Variants in ATP6V0B observed in about 807,000 individuals in gnomAD.
The protein encoded by ATP6V0B is ATPase H+ transporting V0 subunit b, also known as V-type proton ATPase 21 kDa proteolipid subunit c''.
Under a neutral mutation model 26.2 loss-of-function variants are expected in ATP6V0B, and 4 were observed. The observed-to-expected ratio is 0.15, with a 90% CI of 0.08 to 0.35. ATP6V0B has a LOEUF of 0.35. Among genes scored for constraint, ATP6V0B ranks in the 10% least tolerant of loss-of-function variants. The pLI is 1.00. For synonymous variants in ATP6V0B, 110 were observed against 105.8 expected, an observed-to-expected ratio of 1.04 and a Z score of -0.24; for missense variants, 175 against 272.5, an observed-to-expected ratio of 0.64 and a Z score of 2.52.
In ATP6V0B at chr1:43,976,510, A is replaced by G; in HGVS notation, c.279-80A>G. The G allele has an allele frequency of 1.3e-6, 2 of 1,569,060 alleles. No homozygotes were observed. The highest frequency in any genetic ancestry group is 2.2e-5 in the South Asian group (2 of 89,676). On this transcript the variant is annotated intron_variant, in intron 4 of 7. Coordinates refer to ENST00000472174, the MANE Select transcript of ATP6V0B (RefSeq NM_004047.5). This position sits in a 1 kb window ranked among gnomAD's most constrained non-coding sequence, Gnocchi z 4.6. ...TGTTATAGGGGAAAGATTGCTGGGG[A>G]CTTACTGGGCAGGAAGGACGGTTTC...
In ATP6V0B at chr1:43,975,798, A is replaced by C; in HGVS notation, c.68-2A>C. The C allele has an allele frequency of 6.3e-7, 1 of 1,597,664 alleles. No individual in the cohort carries two copies. The highest frequency in any genetic ancestry group is 1.1e-5 in the South Asian group (1 of 89,374). On this transcript the variant is annotated splice_acceptor_variant, in intron 1 of 7. Transcript: ENST00000472174. LOFTEE classifies it high-confidence loss of function. The stretch of plus-strand genomic sequence containing the variant: ...CCCCCTTTTTCTCCCTCACTGCTGC[A>C]GGAGTCTGCTACACCATTTTTGATT...
rs1206389081 is a variant in ATP6V0B at position 43,976,933 on chromosome 1, T to C, written c.401-93T>C. Reference sequence around the variant, plus strand: ...TTGATATTCTCTCACCTACTTTTTCTGCTTTGCAGAGTGGGGATGGTGATT... The same window carrying C: ...TTGATATTCTCTCACCTACTTTTTCCGCTTTGCAGAGTGGGGATGGTGATT... On this transcript the variant is annotated intron_variant, in intron 6 of 7. Transcript: ENST00000472174. The surrounding 1 kb of genome is among the most constrained non-coding windows in gnomAD (Gnocchi z 4.6). The C allele has an allele frequency of 1.2e-6, 2 of 1,602,594 alleles. No individual in the cohort carries two copies. Among genetic ancestry groups the C allele is most frequent in the East Asian group, 2.2e-5 (1 of 44,788 alleles).
rs2085518775 is a variant in ATP6V0B, at chr1:43,976,266, TGG to T, written c.201-34_201-33del. The T allele has an allele frequency of 6.2e-7, 1 of 1,611,230 alleles. No individual in the cohort carries two copies. The highest frequency in any genetic ancestry group is 1.1e-5 in the South Asian group (1 of 90,990). ...AGGCATGCTGAGGGCAGTGACAGCT[TGG>T]GCTCTGCTCATCAGTTTTTTATCCT... On this transcript the variant is annotated intron_variant, in intron 3 of 7. Coordinates refer to ENST00000472174, the MANE Select transcript of ATP6V0B (RefSeq NM_004047.5). The surrounding 1 kb of genome is among the most constrained non-coding windows in gnomAD (Gnocchi z 4.6).
chr1:43,975,105 TG>T lies in ATP6V0B; in HGVS notation c.67+1del. 7.1e-7 allele frequency: 1 copy of T among 1,410,166 alleles called. No homozygotes were observed. 87.4% of individuals were successfully genotyped at this position (1,410,166 alleles called of 1,614,324 possible). On this transcript the variant is annotated frameshift_variant and splice_region_variant, in exon 1 of 8. Transcript: ENST00000472174. LOFTEE classifies it high-confidence loss of function. ...FVAFWACALA[V>X]GVCYTIFDLG... ...GCCTTCTGGGCCTGCGCGCTGGCCG[TG>T]GGTGAGGCCGGGTCCTGGCGGGCGG... is the stretch of plus-strand genomic sequence containing the variant.
intron 1 of ATP6V0B, chr1:43,975,445 T>C (rs2085507675): frequency 3.6e-6 from 2 of 549,158 alleles, no homozygotes; most frequent in Admixed American, 3.7e-5. Context: ...GGTTCCTCTT[T>C]TCCCAGTCGC....
Position 43,976,735 on chromosome 1 carries a change from A to C in ATP6V0B, c.349-38A>C, listed in dbSNP as rs371099886. On this transcript the variant is annotated intron_variant, in intron 5 of 7. Transcript: ENST00000472174. This position sits in a 1 kb window ranked among gnomAD's most constrained non-coding sequence, Gnocchi z 4.6. ...ATTCCTTAGAGATTGGATGGGGTGCATCAGGATGGTTTCTGATTACTTTTC... is the reference window on the plus strand; with the variant it reads ...ATTCCTTAGAGATTGGATGGGGTGCCTCAGGATGGTTTCTGATTACTTTTC... 9.6e-5 allele frequency: 155 copies of C among 1,614,060 alleles called. No homozygotes were observed. The African/African-American group carries it at 1.7e-3, about 18-fold the overall frequency.
chr1:43,977,616 C>T (rs2085536798), intron 7 of ATP6V0B: 2 of 1,419,130 alleles, frequency 1.4e-6, no homozygotes, highest in Non-Finnish European at 1.8e-6. Context: ...TGTGTATCTC[C>T]CTCTCACATG....
rs779076170 is a variant in ATP6V0B at position 43,977,201 on chromosome 1, C to T, written c.576C>T (p.Ile192=). ...GCGCCATTGGCCTCTTTGGGGTCATCGTCGCAATTCTTCAGGTGATGAATC... is the reference window on the plus strand; with the variant it reads ...GCGCCATTGGCCTCTTTGGGGTCATTGTCGCAATTCTTCAGGTGATGAATC... ...FGSAIGLFGV[I]VAILQTSRVK... is the part of the protein sequence containing the mutation. Residue 192 remains isoleucine, a synonymous_variant, in exon 7 of 8, where the codon ATC becomes ATT. Transcript: ENST00000472174. 2.3e-5 allele frequency: 37 copies of T among 1,614,132 alleles called. No homozygotes were observed. Among genetic ancestry groups the T allele is most frequent in the Non-Finnish European group, 3.0e-5 (35 of 1,180,052 alleles).
intron 1 of ATP6V0B, 134 bp from the exon 2 acceptor site, chr1:43,975,666 T>C: frequency 1.1e-6 from 1 of 945,266 alleles, no homozygotes; most frequent in Non-Finnish European, 1.7e-6. Context: ...TCTACACAGC[T>C]GTACTGTCAC....
Position 43,978,188 on chromosome 1 carries a change from C to G in ATP6V0B, c.*181C>G. On this transcript the variant is annotated 3_prime_UTR_variant, in exon 8 of 8. Coordinates refer to ENST00000472174, the MANE Select transcript of ATP6V0B (RefSeq NM_004047.5). Reference sequence around the variant, plus strand: ...CAGGCCGAGTCCTCAGTGCGGGGAGCAGGCTGCTGCTGCTGACTCTGTGCA... The same window carrying G: ...CAGGCCGAGTCCTCAGTGCGGGGAGGAGGCTGCTGCTGCTGACTCTGTGCA... The G allele has an allele frequency of 1.2e-6, 1 of 818,578 alleles. No homozygotes were observed. The highest frequency in any genetic ancestry group is 2.5e-5 in the East Asian group (1 of 39,988). The allele number at this position is 818,578 out of a possible 1,614,324, so 50.7% of individuals were successfully genotyped here.
chr1:43,975,960 T>C, intron 2 of ATP6V0B, 112 bp downstream of exon 2: 4 of 1,513,080 alleles, frequency 2.6e-6, no homozygotes, highest in Non-Finnish European at 3.6e-6. Flanking sequence ...GACATGGACC[T>C]TTGGGAAATA....
Position 43,974,992 on chromosome 1 carries a change from C to T in ATP6V0B, c.-49C>T, listed in dbSNP as rs1025674085. ...GGGACGGACGGTGGACGCTGGGACG[C>T]GTTTGTAGCTCCGGCCCCGCCGTTC... On this transcript the variant is annotated 5_prime_UTR_variant, in exon 1 of 8. Transcript: ENST00000472174. The T allele has an allele frequency of 4.8e-6, 6 of 1,239,946 alleles. No individual in the cohort carries two copies. The highest frequency in any genetic ancestry group is 4.2e-5 in the Admixed American group (1 of 23,892). The allele number at this position is 1,239,946 out of a possible 1,614,324, so 76.8% of individuals were successfully genotyped here.
rs769384917 is a variant in ATP6V0B, at chr1:43,978,026, G to GA, written c.*19_*20insA. ...TGACTAGATGATATGTGTGGGTGGG[G>GA]CCGTGCCTCACTTTTATTTATTGCT... On this transcript the variant is annotated 3_prime_UTR_variant, in exon 8 of 8. Coordinates refer to ENST00000472174, the MANE Select transcript of ATP6V0B (RefSeq NM_004047.5). 1.2e-6 allele frequency: 2 copies of GA among 1,614,048 alleles called. No individual in the cohort carries two copies. The highest frequency in any genetic ancestry group is 2.7e-5 in the African/African-American group (2 of 74,900).
chr1:43,975,064 C>T lies in ATP6V0B; in HGVS notation c.24C>T (p.Tyr8=). MTGLALL[Y]SGVFVAFWAC... Reference sequence around the variant, plus strand: ...CCATGACGGGGCTAGCACTGCTCTACTCCGGGGTCTTCGTGGCCTTCTGGG... The same window carrying T: ...CCATGACGGGGCTAGCACTGCTCTATTCCGGGGTCTTCGTGGCCTTCTGGG... The change falls in exon 1 of 8, where the codon TAC becomes TAT. Residue 8 remains tyrosine, a synonymous_variant. Coordinates refer to ENST00000472174, the MANE Select transcript of ATP6V0B (RefSeq NM_004047.5). The T allele has an allele frequency of 2.9e-6, 4 of 1,399,476 alleles. No homozygotes were observed. Among genetic ancestry groups the T allele is most frequent in the Non-Finnish European group, 3.7e-6 (4 of 1,081,262 alleles). 86.7% of individuals were successfully genotyped at this position (1,399,476 alleles called of 1,614,324 possible).
intron 7 of ATP6V0B, chr1:43,977,758 C>T: frequency 6.9e-7 from 1 of 1,456,342 alleles, no homozygotes; most frequent in Admixed American, 2.6e-5. Context: ...TTCTTAGTGA[C>T]TAGCTTTATC....
At chr1:43,977,679 G>C in intron 7 of ATP6V0B, 2 of 1,427,776 alleles carry the variant, frequency 1.4e-6, no homozygotes, top group Non-Finnish European at 1.8e-6. Flanking sequence ...CTGTCTGACA[G>C]TGTGTGAGTT....
chr1:43,977,803 A>T, intron 7 of ATP6V0B, 178 bp from the exon 8 acceptor site: 3 of 1,552,048 alleles, frequency 1.9e-6, no homozygotes, highest in Non-Finnish European at 2.6e-6. Flanking sequence ...CCCACAGCGT[A>T]ACTCTGTGGT....
Position 43,977,223 on chromosome 1 carries a change from A to C in ATP6V0B, c.591+7A>C, listed in dbSNP as rs1193008572. ...CATCGTCGCAATTCTTCAGGTGATG[A>C]ATCCCCTTGGGAAGCCTCTGTGTCC... On this transcript the variant is annotated splice_region_variant and intron_variant, in intron 7 of 7. Transcript: ENST00000472174. 3.1e-6 allele frequency: 5 copies of C among 1,614,186 alleles called. No homozygotes were observed. Among genetic ancestry groups the C allele is most frequent in the Non-Finnish European group, 4.2e-6 (5 of 1,180,018 alleles).
intron 1 of ATP6V0B, 78 bp downstream of exon 1, chr1:43,975,185 G>A: frequency 7.2e-7 from 1 of 1,392,708 alleles, no homozygotes; most frequent in Non-Finnish European, 9.4e-7. Flanking sequence ...GAAGTGGCCT[G>A]CGGGGAATAC....
Sources: gnomAD v4.1 joint callset for allele counts on GRCh38, gnomAD v4.1.1 for gene constraint, Gnocchi (gnomAD v3.1) non-coding constraint, MANE v1.5 for transcripts, NCBI Gene and HGNC (gene_info 2026-07-23, HGNC 2026-07-21) for gene names.